Variants in GRM8 observed in about 807,000 individuals in gnomAD.
The protein encoded by GRM8 is glutamate metabotropic receptor 8, also known as metabotropic glutamate receptor 8.
Under a neutral mutation model 87.2 loss-of-function variants are expected in GRM8, and 47 were observed. That is an observed-to-expected ratio of 0.54 (90% confidence interval 0.43 to 0.69). GRM8 has a LOEUF of 0.69. GRM8 is among the 30% of genes least tolerant of loss of function. The pLI is 0.00. For synonymous variants in GRM8, 396 were observed against 404.5 expected (o/e 0.98, Z 0.25); for missense variants, 1,019 against 1,139.2 (o/e 0.89, Z 1.52).
chr7:126,674,651 G>A (rs1806743457), intron 7 of GRM8, among the ~76,000 whole-genome samples: 1 of 151,824 alleles, frequency 6.6e-6, no homozygotes, highest in Non-Finnish European at 1.5e-5. Flanking sequence ...AGTACAATTG[G>A]CCTTCCCAAG....
At chr7:126,953,034 G>C (rs1808324486) in intron 3 of GRM8, among the ~76,000 whole-genome samples, 1 of 152,054 alleles carries the variant, frequency 6.6e-6, no homozygotes, top group South Asian at 2.1e-4. Flanking sequence ...AGGGAGGCTA[G>C]GGCAGGGATA....
intron 7 of GRM8, among the ~76,000 whole-genome samples, chr7:126,667,994 C>G (rs1315531366): frequency 6.6e-6 from 1 of 152,154 alleles, no homozygotes; most frequent in African/African-American, 2.4e-5. Context: ...AATACACCAG[C>G]AACCTACTGA....
chr7:127,133,805 G>A (rs899754433), intron 2 of GRM8, among the ~76,000 whole-genome samples: 1 of 150,668 alleles, frequency 6.6e-6, no homozygotes, highest in East Asian at 1.9e-4. Context: ...TCTCTATAAT[G>A]TGTATGCTAC....
intron 3 of GRM8, among the ~76,000 whole-genome samples, chr7:127,097,962 A>G (rs1824844267): frequency 6.6e-6 from 1 of 152,216 alleles, no homozygotes; most frequent in Non-Finnish European, 1.5e-5. Flanking sequence ...AGCCCTAAAT[A>G]TTAGGAATGG....
At chr7:126,994,641 G>C (rs1018626663) in intron 3 of GRM8, among the ~76,000 whole-genome samples, 2 of 152,162 alleles carry the variant, frequency 1.3e-5, no homozygotes, top group African/African-American at 2.4e-5. Context: ...TGGCAACAGG[G>C]AAAGGCTTCT....
At chr7:126,737,513 TTCTC>T (rs1814370370) in intron 7 of GRM8, among the ~76,000 whole-genome samples, 1 of 152,016 alleles carries the variant, frequency 6.6e-6, no homozygotes, top group African/African-American at 2.4e-5. Context: ...TAATTACTCT[TTCTC>T]TATCGTAATT....
At chr7:126,518,740 G>C (rs1812536346) in intron 9 of GRM8, among the ~76,000 whole-genome samples, 1 of 151,980 alleles carries the variant, frequency 6.6e-6, no homozygotes, top group East Asian at 1.9e-4. Context: ...ATGTGCATTT[G>C]CTTAAAAATT....
At chr7:126,967,705 G>A (rs1321053883) in intron 3 of GRM8, among the ~76,000 whole-genome samples, 1 of 152,108 alleles carries the variant, frequency 6.6e-6, no homozygotes, top group Non-Finnish European at 1.5e-5. Flanking sequence ...ACAGAAAGCA[G>A]CCTTCATGAT....
At chr7:127,142,411 C>T (rs575194467) in intron 2 of GRM8, among the ~76,000 whole-genome samples, 1 of 152,250 alleles carries the variant, frequency 6.6e-6, no homozygotes, top group East Asian at 1.9e-4. Context: ...CCCAACGACA[C>T]AAGCCAGTTT....
chr7:126,814,887 A>G (rs1271066021), intron 6 of GRM8, among the ~76,000 whole-genome samples: 1 of 152,000 alleles, frequency 6.6e-6, no homozygotes, highest in African/African-American at 2.4e-5. Flanking sequence ...ACCCCAGCAA[A>G]TTATAATCAG....
chr7:126,824,714 G>C (rs1017601219), intron 6 of GRM8, among the ~76,000 whole-genome samples: 1 of 152,196 alleles, frequency 6.6e-6, no homozygotes, highest in Non-Finnish European at 1.5e-5. Flanking sequence ...GATACCAATG[G>C]AAGTATCTTT....
At chr7:126,868,059 C>A (rs1049906828) in intron 6 of GRM8, among the ~76,000 whole-genome samples, 3 of 152,150 alleles carry the variant, frequency 2.0e-5, no homozygotes, top group African/African-American at 4.8e-5. Context: ...ACCCTCTGGG[C>A]CCCCAGCTCT....
At chr7:126,588,800 T>A (rs1223770470) in intron 8 of GRM8, among the ~76,000 whole-genome samples, 2 of 152,068 alleles carry the variant, frequency 1.3e-5, no homozygotes, top group Non-Finnish European at 2.9e-5. Flanking sequence ...GCCCAAATAC[T>A]ATGAGTGCCC....
At chr7:127,126,858 ATT>A (rs1827401935) in intron 2 of GRM8, among the ~76,000 whole-genome samples, 1 of 152,028 alleles carries the variant, frequency 6.6e-6, no homozygotes, top group Admixed American at 6.6e-5. Flanking sequence ...TTTACCAAGA[ATT>A]TTTAAAGAAC....
chr7:126,810,917 C>T (rs1350316698), intron 6 of GRM8, among the ~76,000 whole-genome samples: 3 of 152,174 alleles, frequency 2.0e-5, no homozygotes, highest in African/African-American at 7.2e-5. Context: ...CTGTAGGCTC[C>T]TCAACCAAGA....
At chr7:127,064,105 T>C (rs948117510) in intron 3 of GRM8, among the ~76,000 whole-genome samples, 1 of 152,260 alleles carries the variant, frequency 6.6e-6, no homozygotes, top group Non-Finnish European at 1.5e-5. Flanking sequence ...ATTCTATTGT[T>C]TTAGGTGGAA....
intron 2 of GRM8, among the ~76,000 whole-genome samples, chr7:127,168,801 A>G (rs904042445): frequency 2.0e-5 from 3 of 152,010 alleles, no homozygotes; most frequent in African/African-American, 4.8e-5. Context: ...TGGGAGTTGA[A>G]CCATGAGAAC....
At chr7:127,172,434 G>A (rs1587193632) in intron 2 of GRM8, among the ~76,000 whole-genome samples, 1 of 152,016 alleles carries the variant, frequency 6.6e-6, no homozygotes, top group Admixed American at 6.6e-5. Context: ...GCTGGGTGTG[G>A]TGGCTCACAC....
In GRM8 at chr7:126,769,908, A is replaced by T; in HGVS notation, c.1314T>A (p.Asp438Glu). 1 of 1,612,984 alleles carries T rather than the reference A, an allele frequency of 6.2e-7. No homozygotes were observed. Among genetic ancestry groups the T allele is most frequent in the Non-Finnish European group, 8.5e-7 (1 of 1,179,202 alleles). Residue 438 changes from aspartate (D) to glutamate (E), a missense_variant, in exon 7 of 11, where the codon GAT becomes GAA. Transcript: ENST00000339582. ...GAATATAACCAAGTAGCTCTTTCCC[A>T]TCAATGGTACTCATTCGTGGACAAA... Reference protein sequence around the residue: ...IGLCPRMSTIDGKELLGYIRA... With the variant: ...IGLCPRMSTIEGKELLGYIRA...
Sources: gnomAD v4.1 joint callset for allele counts (sites outside exome capture counted in the v4.1 genomes callset) on GRCh38, gnomAD v4.1.1 for gene constraint, MANE v1.5 for transcripts, NCBI Gene and HGNC (gene_info 2026-07-23, HGNC 2026-07-21) for gene names.